Variants in FILIP1L observed in about 807,000 individuals in gnomAD.
FILIP1L encodes filamin A interacting protein 1 like.
A neutral mutation model predicts 96.6 loss-of-function variants in FILIP1L; 55 were observed. The observed-to-expected ratio is 0.57, with a 90% CI of 0.46 to 0.71. The LOEUF (loss-of-function observed/expected upper bound fraction) is 0.71. Ranked by LOEUF, FILIP1L falls within the 30% of genes least tolerant of loss-of-function variation. The pLI is 0.00. For synonymous variants in FILIP1L, 467 were observed against 473.9 expected (o/e 0.99, Z 0.19); for missense variants, 1,304 against 1,321.2 (o/e 0.99, Z 0.20).
chr3:99,950,379 G>A (rs987126847), intron 1 of FILIP1L, among the ~76,000 whole-genome samples: 2 of 152,060 alleles, frequency 1.3e-5, no homozygotes, highest in Non-Finnish European at 2.9e-5. Context: ...TATTTCTATG[G>A]GTAGGGAAAT....
At chr3:99,866,169 G>A (rs1944506333) in intron 4 of FILIP1L, among the ~76,000 whole-genome samples, 1 of 150,518 alleles carries the variant, frequency 6.6e-6, no homozygotes, top group Admixed American at 6.6e-5. Flanking sequence ...TTTTAAGCCT[G>A]TGTTTTTTTT....
intron 1 of FILIP1L, among the ~76,000 whole-genome samples, chr3:100,094,379 T>C (rs1370360355): frequency 1.3e-5 from 2 of 152,180 alleles, no homozygotes; most frequent in African/African-American, 4.8e-5. Flanking sequence ...AATATCAAGA[T>C]ATTATTTTCA....
At chr3:100,073,139 C>G (rs1054683979) in intron 1 of FILIP1L, among the ~76,000 whole-genome samples, 4 of 152,168 alleles carry the variant, frequency 2.6e-5, no homozygotes, top group Admixed American at 6.5e-5. Flanking sequence ...TATTATAGAA[C>G]AGGGGAGAAC....
At chr3:100,093,864 TCTA>T (rs1413023824) in intron 1 of FILIP1L, among the ~76,000 whole-genome samples, 2 of 152,236 alleles carry the variant, frequency 1.3e-5, no homozygotes, top group African/African-American at 4.8e-5. Flanking sequence ...TGAAGAGTTA[TCTA>T]GGACATCTGA....
At chr3:99,923,922 T>C (rs1388751290) in intron 4 of FILIP1L, among the ~76,000 whole-genome samples, 1 of 152,266 alleles carries the variant, frequency 6.6e-6, no homozygotes, top group Admixed American at 6.5e-5. Flanking sequence ...CCCCTTGCCA[T>C]GAATATGGTT....
chr3:100,022,932 T>G (rs1173792351), intron 1 of FILIP1L, among the ~76,000 whole-genome samples: 1 of 152,210 alleles, frequency 6.6e-6, no homozygotes, highest in East Asian at 1.9e-4. Context: ...GATCTGACAC[T>G]AGATGCACCA....
chr3:100,043,700 G>A (rs1254526097), intron 1 of FILIP1L, among the ~76,000 whole-genome samples: 3 of 152,172 alleles, frequency 2.0e-5, no homozygotes, highest in Non-Finnish European at 4.4e-5. Context: ...AAAAAATTGT[G>A]TATATTTAGG....
chr3:99,968,217 G>A (rs922335055), intron 1 of FILIP1L, among the ~76,000 whole-genome samples: 1 of 152,142 alleles, frequency 6.6e-6, no homozygotes, highest in Admixed American at 6.5e-5. Flanking sequence ...GGAATTCCAG[G>A]CTGGGAGAGT....
chr3:99,942,684 C>G lies in FILIP1L; in HGVS notation c.-10-11654G>C, dbSNP rs1030045743. ...CCGTCTCTACTAAAAATATAACTAG[C>G]CGGGCATGGTGGTGGATGCCTGTAA... On this transcript the variant is annotated intron_variant, in intron 1 of 5. Coordinates refer to ENST00000477258, the MANE Select transcript of FILIP1L (RefSeq NM_001387850.1). 1.3e-5 allele frequency among the ~76,000 whole-genome samples: 2 copies of G among 151,798 alleles called. 1 individual carries two copies. The highest frequency in any genetic ancestry group is 4.8e-5 in the African/African-American group (2 of 41,334).
intron 1 of FILIP1L, among the ~76,000 whole-genome samples, chr3:99,942,551 G>A (rs1707880976): frequency 6.6e-6 from 1 of 152,206 alleles, no homozygotes; most frequent in Admixed American, 6.5e-5. Flanking sequence ...TGGTTTCCTT[G>A]CCAGTCGCCG....
At chr3:100,056,278 G>C (rs1026183086) in intron 1 of FILIP1L, among the ~76,000 whole-genome samples, 1 of 152,132 alleles carries the variant, frequency 6.6e-6, no homozygotes, top group African/African-American at 2.4e-5. Flanking sequence ...AACATTTCCA[G>C]CTGATAAATT....
chr3:99,985,449 A>G (rs913821781), intron 1 of FILIP1L, among the ~76,000 whole-genome samples: 1 of 152,048 alleles, frequency 6.6e-6, no homozygotes, highest in Non-Finnish European at 1.5e-5. Context: ...AGCTTGAGCC[A>G]AGATCATACC....
intron 5 of FILIP1L, among the ~76,000 whole-genome samples, chr3:99,841,274 CTTTG>C (rs141264861): frequency 1.8e-4 from 28 of 152,246 alleles, no homozygotes; most frequent in African/African-American, 6.5e-4. Context: ...TACATTGTAC[CTTTG>C]TTTCTTTCAA....
intron 1 of FILIP1L, among the ~76,000 whole-genome samples, chr3:100,060,511 C>A (rs2065544834): frequency 6.6e-6 from 1 of 151,808 alleles, no homozygotes; most frequent in Non-Finnish European, 1.5e-5. Flanking sequence ...AAAAAAAATA[C>A]ATAAAAATGC....
intron 4 of FILIP1L, among the ~76,000 whole-genome samples, chr3:99,883,526 T>TA (rs1413768287): frequency 4.6e-5 from 7 of 152,116 alleles, no homozygotes; most frequent in African/African-American, 1.7e-4. Context: ...GTGTGTTGGC[T>TA]GGGGGGTGTT....
At chr3:100,109,560 G>A (rs1477941090) in intron 1 of FILIP1L, among the ~76,000 whole-genome samples, 2 of 152,096 alleles carry the variant, frequency 1.3e-5, no homozygotes, top group African/African-American at 4.8e-5. Flanking sequence ...TTCCCACAAT[G>A]TTGTATAAAT....
chr3:100,060,660 G>A (rs757543914), intron 1 of FILIP1L, among the ~76,000 whole-genome samples: 5 of 152,010 alleles, frequency 3.3e-5, no homozygotes, highest in Admixed American at 6.6e-5. Context: ...TTTGAGACCA[G>A]CCTGGGCAAT....
At chr3:99,950,727 CTG>C (rs1172664359) in intron 1 of FILIP1L, among the ~76,000 whole-genome samples, 1 of 152,154 alleles carries the variant, frequency 6.6e-6, no homozygotes, top group Non-Finnish European at 1.5e-5. Context: ...TCAGAAAAAG[CTG>C]TGTGTTAAAT....
At chr3:100,049,242 G>A (rs2065329771) in intron 1 of FILIP1L, among the ~76,000 whole-genome samples, 1 of 152,074 alleles carries the variant, frequency 6.6e-6, no homozygotes, top group African/African-American at 2.4e-5. Flanking sequence ...CAAATAAACT[G>A]TTCTCTTGTT....
Sources: gnomAD v4.1 joint callset for allele counts (sites outside exome capture counted in the v4.1 genomes callset) on GRCh38, gnomAD v4.1.1 for gene constraint, MANE v1.5 for transcripts, NCBI Gene and HGNC (gene_info 2026-07-23, HGNC 2026-07-21) for gene names.